The following SLIT3 variants were observed in gnomAD, a reference collection of about 807,000 sequenced individuals.
The protein encoded by SLIT3 is slit homolog 3 protein.
SLIT3 carries 68 observed loss-of-function variants against 184.0 expected under a neutral mutation model. That is an observed-to-expected ratio of 0.37 (90% CI 0.30 to 0.45). The LOEUF (loss-of-function observed/expected upper bound fraction) is 0.45, where lower values mean the gene tolerates loss of function less well. Among genes scored for constraint, SLIT3 ranks in the 20% least tolerant of loss-of-function variants. The pLI, the probability that SLIT3 is intolerant of heterozygous loss-of-function variation, is 1.00. For synonymous variants in SLIT3, 831 were observed against 828.6 expected (o/e 1.00, Z -0.05); for missense variants, 1,707 against 2,026.0 (o/e 0.84, Z 3.02).
intron 32 of SLIT3, among the ~76,000 whole-genome samples, chr5:168,673,907 CCTG>C (rs1464868072): frequency 2.0e-5 from 3 of 150,146 alleles, no homozygotes; most frequent in Non-Finnish European, 3.0e-5. Context: ...CCTTCTCAAT[CCTG>C]CTCTATCTGC....
intron 4 of SLIT3, among the ~76,000 whole-genome samples, chr5:169,059,322 C>T (rs1224447324): frequency 2.6e-5 from 4 of 152,150 alleles, no homozygotes; most frequent in African/African-American, 9.7e-5. Context: ...CACACATACT[C>T]CAGAATGAGG....
intron 4 of SLIT3, among the ~76,000 whole-genome samples, chr5:168,923,516 CTTTT>C (rs35732966): frequency 7.4e-6 from 1 of 134,358 alleles, no homozygotes. Flanking sequence ...TCCTAAATAT[CTTTT>C]TTTTTTTTTT....
At chr5:169,159,594 T>C (rs1762413607) in intron 4 of SLIT3, among the ~76,000 whole-genome samples, 1 of 151,224 alleles carries the variant, frequency 6.6e-6, no homozygotes, top group Non-Finnish European at 1.5e-5. Flanking sequence ...GCTAACATGG[T>C]GAAACCCCGT....
chr5:169,174,960 TG>T (rs5873155), intron 4 of SLIT3, among the ~76,000 whole-genome samples: 120,348 of 152,120 alleles, frequency 0.79, 47,878 homozygotes, highest in East Asian at 0.88. Context: ...CACAACTGTT[TG>T]GGCTGTTCTT....
chr5:169,286,485 C>G (rs919616551), intron 1 of SLIT3, among the ~76,000 whole-genome samples: 3 of 152,086 alleles, frequency 2.0e-5, no homozygotes, highest in Non-Finnish European at 4.4e-5. Context: ...CAAATCCCAG[C>G]CCCCAGAAGT....
chr5:169,258,512 G>A (rs1766054720), intron 1 of SLIT3, among the ~76,000 whole-genome samples: 1 of 152,120 alleles, frequency 6.6e-6, no homozygotes, highest in Non-Finnish European at 1.5e-5. Context: ...GTTTACCCCT[G>A]TCTGGTTTTG....
At chr5:168,707,862 C>T (rs1469636667) in intron 26 of SLIT3, 114 bp downstream of exon 26, 27 of 1,348,840 alleles carry the variant, frequency 2.0e-5, no homozygotes, top group Non-Finnish European at 2.5e-5. Flanking sequence ...ATGGACTCAT[C>T]CAGGCTGTCC....
At chr5:169,066,689 C>T (rs534134594) in intron 4 of SLIT3, among the ~76,000 whole-genome samples, 66 of 152,178 alleles carry the variant, frequency 4.3e-4, no homozygotes, top group Non-Finnish European at 8.2e-4. Flanking sequence ...GTAAAGTTTT[C>T]GCCCAAGGAA....
chr5:168,778,201 T>C (rs995863828), intron 12 of SLIT3, among the ~76,000 whole-genome samples: 2 of 152,190 alleles, frequency 1.3e-5, no homozygotes, highest in African/African-American at 4.8e-5. Flanking sequence ...TCCCACGCAC[T>C]TTCCAGGCAC....
chr5:169,000,824 G>A (rs1166585829), intron 4 of SLIT3, among the ~76,000 whole-genome samples: 3 of 152,128 alleles, frequency 2.0e-5, no homozygotes, highest in African/African-American at 7.2e-5. Flanking sequence ...CAACTGACCC[G>A]ACAACCTATT....
In SLIT3 at chr5:168,684,034, C is replaced by A; in HGVS notation, c.3618G>T (p.Leu1206=). Residue 1206 remains leucine (L), a synonymous_variant, in exon 32 of 36, where the codon CTG becomes CTT. Transcript: ENST00000519560. ...LYKGDNDPLA[L]ELYQGHVRLV... ...GCCGCACGTGGCCCTGGTACAGCTCCAGTGCCAGGGGGTCATTGTCTCCTT... is the reference window on the plus strand; with the variant it reads ...GCCGCACGTGGCCCTGGTACAGCTCAAGTGCCAGGGGGTCATTGTCTCCTT... 6.2e-7 allele frequency: 1 copy of A among 1,608,060 alleles called. No homozygotes were observed. Among genetic ancestry groups the A allele is most frequent in the Non-Finnish European group, 8.5e-7 (1 of 1,176,996 alleles).
At chr5:168,822,778 G>A (rs1365639738) in intron 7 of SLIT3, among the ~76,000 whole-genome samples, 1 of 152,140 alleles carries the variant, frequency 6.6e-6, no homozygotes, top group East Asian at 1.9e-4. Context: ...AATGTGCTGG[G>A]TGGGGGCTGG....
intron 4 of SLIT3, among the ~76,000 whole-genome samples, chr5:168,888,213 A>G (rs1352542166): frequency 6.6e-6 from 1 of 152,216 alleles, no homozygotes; most frequent in African/African-American, 2.4e-5. Flanking sequence ...TTAGCCCAAT[A>G]TGATGGGGAA....
intron 5 of SLIT3, among the ~76,000 whole-genome samples, chr5:168,856,258 C>G (rs1758860447): frequency 6.6e-6 from 1 of 152,198 alleles, no homozygotes; most frequent in Admixed American, 6.5e-5. Flanking sequence ...GAAGCTTGCT[C>G]TTTCCATGAC....
At chr5:169,096,731 T>G (rs1156766611) in intron 4 of SLIT3, among the ~76,000 whole-genome samples, 1 of 152,238 alleles carries the variant, frequency 6.6e-6, no homozygotes, top group Non-Finnish European at 1.5e-5. Flanking sequence ...CCCATCGCTA[T>G]GGGCATGATC....
At chr5:168,688,648 G>C (rs76253835) in intron 29 of SLIT3, among the ~76,000 whole-genome samples, 4 of 152,182 alleles carry the variant, frequency 2.6e-5, no homozygotes, top group African/African-American at 7.2e-5. Flanking sequence ...ACCAATTCAC[G>C]TTTACTTGAT....
At chr5:168,894,939 TTC>T (rs1395334000) in intron 4 of SLIT3, among the ~76,000 whole-genome samples, 1 of 151,794 alleles carries the variant, frequency 6.6e-6, no homozygotes, top group African/African-American at 2.4e-5. Context: ...AGTGAGGAAG[TTC>T]TGATGATCTT....
chr5:168,676,932 G>T (rs1288226866), intron 32 of SLIT3, among the ~76,000 whole-genome samples: 1 of 152,206 alleles, frequency 6.6e-6, no homozygotes, highest in African/African-American at 2.4e-5. Context: ...CATCCCAGGT[G>T]CTGGTGAATA....
At chr5:168,952,550 A>AAAAAAAAAAAAAAAAAAG (rs59047961) in intron 4 of SLIT3, among the ~76,000 whole-genome samples, 4 of 128,004 alleles carry the variant, frequency 3.1e-5, no homozygotes, top group African/African-American at 1.4e-4. Flanking sequence ...AAAAAAAAAG[A>AAAAAAAAAAAAAAAAAAG]GGGGAGAAGG....
Sources: gnomAD v4.1 joint callset for allele counts (sites outside exome capture counted in the v4.1 genomes callset) on GRCh38, gnomAD v4.1.1 for gene constraint, MANE v1.5 for transcripts, NCBI Gene and HGNC (gene_info 2026-07-23, HGNC 2026-07-21) for gene names.